The following B3GLCT variants were observed in gnomAD, a reference collection of about 807,000 sequenced individuals.
The protein encoded by B3GLCT is beta-1,3-glucosyltransferase.
A neutral mutation model predicts 63.4 loss-of-function variants in B3GLCT; 65 were observed. That is an observed-to-expected ratio of 1.03 (90% CI 0.84 to 1.26). The LOEUF is 1.26. Ranked by LOEUF, B3GLCT falls within the 50% of genes most tolerant of loss-of-function variation. The pLI is 0.00. For missense variants in B3GLCT, 577 were observed against 604.8 expected (o/e 0.95, Z 0.48); for synonymous variants, 233 against 219.2 (o/e 1.06, Z -0.55).
At chr13:31,240,328 C>G (rs912573570) in intron 4 of B3GLCT, among the ~76,000 whole-genome samples, 2 of 152,110 alleles carry the variant, frequency 1.3e-5, no homozygotes, top group African/African-American at 2.4e-5. Flanking sequence ...AATTTTGTAG[C>G]CTTTTGTGGT....
At chr13:31,277,004 TGGC>T (rs1162316124) in intron 10 of B3GLCT, among the ~76,000 whole-genome samples, 4 of 152,190 alleles carry the variant, frequency 2.6e-5, no homozygotes, top group Admixed American at 2.6e-4. Context: ...ATACTGCTTA[TGGC>T]AGTATTTTAA....
Position 31,274,533 on chromosome 13 carries a change from G to T in B3GLCT, c.685G>T (p.Gly229Cys). 1 of 1,614,188 alleles carries T rather than the reference G, an allele frequency of 6.2e-7. No individual in the cohort carries two copies. Among genetic ancestry groups the T allele is most frequent in the Non-Finnish European group, 8.5e-7 (1 of 1,180,028 alleles). Residue 229 changes from glycine to cysteine, a missense_variant, in exon 9 of 15, where the codon GGC (glycine) becomes TGC (cysteine). Coordinates refer to ENST00000343307, the MANE Select transcript of B3GLCT (RefSeq NM_194318.4). ...GATTGCCCTCTACATCTGGGACAAAGGCGGAGGACCTCCCCTGACCCCAGT... is the reference window on the plus strand; with the variant it reads ...GATTGCCCTCTACATCTGGGACAAATGCGGAGGACCTCCCCTGACCCCAGT... ...HEIALYIWDKGGGPPLTPVPE... is the reference protein window; with the variant it reads ...HEIALYIWDKCGGPPLTPVPE...
At chr13:31,228,289 T>C (rs1870202954) in intron 3 of B3GLCT, among the ~76,000 whole-genome samples, 1 of 152,212 alleles carries the variant, frequency 6.6e-6, no homozygotes, top group Non-Finnish European at 1.5e-5. Context: ...TTGAGTTACT[T>C]ATTTGCAAAC....
At chr13:31,311,110 G>C (rs1874683716) in intron 12 of B3GLCT, among the ~76,000 whole-genome samples, 1 of 152,220 alleles carries the variant, frequency 6.6e-6, no homozygotes, top group Non-Finnish European at 1.5e-5. Context: ...CAGAGAGAGA[G>C]ATTGTTTCCT....
intron 14 of B3GLCT, among the ~76,000 whole-genome samples, chr13:31,327,853 T>C (rs1875712686): frequency 6.6e-6 from 1 of 152,246 alleles, no homozygotes; most frequent in African/African-American, 2.4e-5. Context: ...TTCTTAAAAA[T>C]AGCAATTGTG....
chr13:31,330,624 C>T lies in B3GLCT; in HGVS notation c.*956C>T, dbSNP rs1355655140. ...CCTTGTGGAAGGACAGCATGGTGAT[C>T]AGGCAATTTCTCTGGGTTCCCAAAG... On this transcript the variant is annotated 3_prime_UTR_variant, in exon 15 of 15. Coordinates refer to ENST00000343307, the MANE Select transcript of B3GLCT (RefSeq NM_194318.4). 1 of 148,924 alleles carries T rather than the reference C, an allele frequency of 6.7e-6. No homozygotes were observed. Among genetic ancestry groups the T allele is most frequent in the Admixed American group, 6.8e-5 (1 of 14,800 alleles). 9.2% of individuals were successfully genotyped at this position (148,924 alleles called of 1,614,324 possible).
At chr13:31,270,147 G>C (rs528016339) in intron 8 of B3GLCT, among the ~76,000 whole-genome samples, 4 of 152,096 alleles carry the variant, frequency 2.6e-5, no homozygotes, top group Non-Finnish European at 5.9e-5. Flanking sequence ...AATTATTCTC[G>C]AATCATCATT....
intron 4 of B3GLCT, among the ~76,000 whole-genome samples, chr13:31,243,888 G>A (rs1276995547): frequency 6.6e-6 from 1 of 152,112 alleles, no homozygotes; most frequent in Non-Finnish European, 1.5e-5. Flanking sequence ...TACTGCAAGC[G>A]ACCTTTTCAT....
intron 14 of B3GLCT, among the ~76,000 whole-genome samples, chr13:31,328,523 C>T (rs963868426): frequency 3.3e-5 from 5 of 151,606 alleles, no homozygotes; most frequent in African/African-American, 7.3e-5. Flanking sequence ...GTGAAACCCC[C>T]GTCTCCACTA....
At chr13:31,207,701 A>G (rs1049200301) in intron 1 of B3GLCT, among the ~76,000 whole-genome samples, 1 of 152,196 alleles carries the variant, frequency 6.6e-6, no homozygotes, top group African/African-American at 2.4e-5. Context: ...ATAAAACAGG[A>G]GAGGAGTTTC....
At chr13:31,271,163 G>A (rs913019312) in intron 8 of B3GLCT, among the ~76,000 whole-genome samples, 3 of 152,202 alleles carry the variant, frequency 2.0e-5, no homozygotes, top group Non-Finnish European at 4.4e-5. Flanking sequence ...AACATTTGGT[G>A]TAAATAAACA....
chr13:31,236,791 A>G (rs1363771445), intron 4 of B3GLCT, among the ~76,000 whole-genome samples: 2 of 152,152 alleles, frequency 1.3e-5, no homozygotes, highest in Non-Finnish European at 2.9e-5. Context: ...TGCCACATGT[A>G]TGATTAAAAG....
At chr13:31,304,155 C>T (rs896914064) in intron 12 of B3GLCT, among the ~76,000 whole-genome samples, 2 of 94,988 alleles carry the variant, frequency 2.1e-5, no homozygotes, top group Non-Finnish European at 4.1e-5. Context: ...CCAGGCCTGC[C>T]CTAAAAGAGC....
chr13:31,228,213 T>G (rs919652764), intron 3 of B3GLCT, among the ~76,000 whole-genome samples: 3 of 7,320 alleles, frequency 4.1e-4, no homozygotes, highest in Admixed American at 4.1e-3. Context: ...GAGGAATTGC[T>G]GTGGCCGTTT....
intron 12 of B3GLCT, among the ~76,000 whole-genome samples, chr13:31,316,646 A>G (rs1227775300): frequency 1.3e-5 from 2 of 151,704 alleles, no homozygotes; most frequent in Non-Finnish European, 2.9e-5. Context: ...TCTTACAAGT[A>G]ACTAACTTGC....
chr13:31,275,854 T>C (rs917263489), intron 9 of B3GLCT, among the ~76,000 whole-genome samples: 4 of 152,120 alleles, frequency 2.6e-5, no homozygotes, highest in Admixed American at 2.6e-4. Flanking sequence ...CTGTAATTGT[T>C]TGCAGTTCCA....
At chr13:31,316,669 A>G (rs1383339737) in intron 12 of B3GLCT, among the ~76,000 whole-genome samples, 1 of 151,706 alleles carries the variant, frequency 6.6e-6, no homozygotes. Flanking sequence ...TTGATTTTGC[A>G]GGCTTATAGG....
chr13:31,283,703 C>T (rs989706038), intron 10 of B3GLCT, among the ~76,000 whole-genome samples: 3 of 151,980 alleles, frequency 2.0e-5, no homozygotes, highest in African/African-American at 4.8e-5. Context: ...TACTTATTAG[C>T]TAAACACTTA....
chr13:31,243,845 A>G (rs1871067590), intron 4 of B3GLCT, among the ~76,000 whole-genome samples: 1 of 152,268 alleles, frequency 6.6e-6, no homozygotes, highest in South Asian at 2.1e-4. Context: ...TTTAATTCAA[A>G]GAGATAAATA....
Sources: allele counts gnomAD v4.1 joint callset (sites outside exome capture counted in the v4.1 genomes callset), GRCh38; gene constraint gnomAD v4.1.1; transcripts MANE v1.5; gene names NCBI Gene and HGNC (gene_info 2026-07-23, HGNC 2026-07-21).